Variants in HECW2 observed in about 807,000 individuals in gnomAD.
The protein encoded by HECW2 is HECT, C2 and WW domain containing E3 ubiquitin protein ligase 2, also known as E3 ubiquitin-protein ligase HECW2.
A neutral mutation model predicts 175.2 loss-of-function variants in HECW2; 61 were observed. That is an observed-to-expected ratio of 0.35 (90% CI 0.28 to 0.43). The LOEUF is 0.43. Ranked by LOEUF, HECW2 falls within the 20% of genes least tolerant of loss-of-function variation. The pLI, the probability that HECW2 is intolerant of heterozygous loss-of-function variation, is 1.00. For synonymous variants in HECW2, 671 were observed against 731.0 expected (o/e 0.92, Z 1.32); for missense variants, 1,524 against 2,000.5 (o/e 0.76, Z 4.54).
chr2:196,306,352 G>T, intron 13 of HECW2, 136 bp downstream of exon 13: 1 of 883,822 alleles, frequency 1.1e-6, no homozygotes, highest in Non-Finnish European at 1.7e-6. Flanking sequence ...AGTGTACAGT[G>T]CTCAACACAA....
intron 20 of HECW2, 75 bp downstream of exon 20, chr2:196,242,009 A>G: frequency 7.1e-7 from 1 of 1,408,716 alleles, no homozygotes; most frequent in Non-Finnish European, 9.9e-7. Flanking sequence ...AATCACAATC[A>G]ATTTCCTAGA....
At position 196,363,525 on chromosome 2, in the gene HECW2, G is replaced by A. The variant is rs140266204; in HGVS notation, c.293-19761C>T. Among the ~76,000 whole-genome samples, 999 of 152,288 alleles carry A rather than the reference G, an allele frequency of 6.6e-3. 8 individuals are homozygous for A. The highest frequency in any genetic ancestry group is 0.02 in the Middle Eastern group (6 of 294). On this transcript the variant is annotated intron_variant, in intron 2 of 28. Coordinates refer to ENST00000644978, the MANE Select transcript of HECW2 (RefSeq NM_001348768.2). ...GTCCACAGTGGGCTCAGTCACCACT[G>A]GGAGATTAAGAAAAATAAATCTAGG...
intron 1 of HECW2, among the ~76,000 whole-genome samples, chr2:196,563,149 TAAG>T (rs1020836391): frequency 2.0e-5 from 3 of 152,230 alleles, no homozygotes; most frequent in South Asian, 2.1e-4. Flanking sequence ...ACTGAAACTA[TAAG>T]AAGAACTTTC....
At chr2:196,209,979 G>A (rs531070511) in intron 28 of HECW2, among the ~76,000 whole-genome samples, 5 of 152,068 alleles carry the variant, frequency 3.3e-5, no homozygotes, top group Non-Finnish European at 5.9e-5. Flanking sequence ...TAGCCAGGAT[G>A]GTCTCCATCT....
At chr2:196,518,259 TGAGTCTGATGTTATGAGAAATG>T (rs1688219548) in intron 1 of HECW2, among the ~76,000 whole-genome samples, 1 of 152,158 alleles carries the variant, frequency 6.6e-6, no homozygotes, top group Non-Finnish European at 1.5e-5. Context: ...CAAAGACATC[TGAGTCTGATGTTATGAGAAATG>T]GGATGCCTAA....
At chr2:196,269,155 C>T (rs1689630678) in intron 17 of HECW2, among the ~76,000 whole-genome samples, 1 of 152,008 alleles carries the variant, frequency 6.6e-6, no homozygotes, top group African/African-American at 2.4e-5. Context: ...TAGCTTTAGC[C>T]TTTACAAACT....
intron 21 of HECW2, among the ~76,000 whole-genome samples, chr2:196,232,042 G>C (rs1478966231): frequency 6.6e-6 from 1 of 152,066 alleles, no homozygotes; most frequent in Non-Finnish European, 1.5e-5. Flanking sequence ...GCAACCTCAA[G>C]GAGTGGGTAG....
At chr2:196,270,643 T>C (rs1291418955) in intron 17 of HECW2, among the ~76,000 whole-genome samples, 5 of 152,186 alleles carry the variant, frequency 3.3e-5, no homozygotes, top group Admixed American at 6.5e-5. Flanking sequence ...GCTTAAATTT[T>C]TTTTTCATAT....
intron 2 of HECW2, among the ~76,000 whole-genome samples, chr2:196,399,531 TC>T (rs1434289132): frequency 6.6e-6 from 1 of 152,176 alleles, no homozygotes; most frequent in Non-Finnish European, 1.5e-5. Context: ...ATCCAGCTCT[TC>T]CCCCAAGTTA....
chr2:196,479,837 C>A (rs2125369673), intron 1 of HECW2, among the ~76,000 whole-genome samples: 1 of 152,252 alleles, frequency 6.6e-6, no homozygotes, highest in African/African-American at 2.4e-5. Flanking sequence ...ATCCTCTTGC[C>A]TGAAGAACTC....
chr2:196,367,447 A>G (rs1223639702), intron 2 of HECW2, among the ~76,000 whole-genome samples: 3 of 152,216 alleles, frequency 2.0e-5, no homozygotes, highest in Non-Finnish European at 4.4e-5. Context: ...AGGGTAAATG[A>G]AGTATTCATC....
In HECW2 at chr2:196,199,644, C is replaced by T. The variant is rs941132800; in HGVS notation, c.*1633G>A. The T allele has an allele frequency of 4.6e-5, 7 of 152,362 alleles. No individual in the cohort carries two copies. The highest frequency in any genetic ancestry group is 8.8e-5 in the Non-Finnish European group (6 of 67,972). 9.4% of individuals were successfully genotyped at this position (152,362 alleles called of 1,614,324 possible). A position where few individuals can be genotyped will look rare whatever the true frequency, so the allele number is the denominator to read the frequency against. On this transcript the variant is annotated 3_prime_UTR_variant, in exon 29 of 29. Coordinates refer to ENST00000644978, the MANE Select transcript of HECW2 (RefSeq NM_001348768.2). ...AAATGTTTGGGCAATGCCTGTAAAC[C>T]CATAGGCTGGCAAACCATATGTCAA...
chr2:196,469,203 G>A (rs983733897), intron 1 of HECW2, among the ~76,000 whole-genome samples: 21 of 151,246 alleles, frequency 1.4e-4, no homozygotes, highest in Non-Finnish European at 2.2e-4. Context: ...AATATAAGAG[G>A]AGCTGCCCCG....
At chr2:196,296,599 A>G (rs531421077) in intron 13 of HECW2, among the ~76,000 whole-genome samples, 4 of 152,352 alleles carry the variant, frequency 2.6e-5, no homozygotes, top group African/African-American at 9.6e-5. Flanking sequence ...GTGCTAAGCC[A>G]TGTGCTAAGC....
At chr2:196,317,154 C>A (rs1691728674) in intron 10 of HECW2, 120 bp downstream of exon 10, 1 of 750,154 alleles carries the variant, frequency 1.3e-6, no homozygotes, top group Non-Finnish European at 2.3e-6. Flanking sequence ...CAAGTGGCAA[C>A]CCCCAGATTC....
intron 13 of HECW2, among the ~76,000 whole-genome samples, chr2:196,293,058 C>T (rs748383721): frequency 1.4e-4 from 22 of 152,084 alleles, no homozygotes; most frequent in South Asian, 4.1e-4. Context: ...AATAGGTAAA[C>T]GTGTGCCATG....
At chr2:196,591,323 G>A (rs1440792758) in intron 1 of HECW2, among the ~76,000 whole-genome samples, 1 of 152,154 alleles carries the variant, frequency 6.6e-6, no homozygotes, top group East Asian at 1.9e-4. Context: ...TCAAACTAAT[G>A]AAGACTAAAG....
chr2:196,325,245 G>A, intron 5 of HECW2, 96 bp from the exon 6 acceptor site: 2 of 889,206 alleles, frequency 2.2e-6, no homozygotes, highest in South Asian at 3.7e-5. Flanking sequence ...GACAGAAGAA[G>A]GAAGGATTCA....
intron 1 of HECW2, among the ~76,000 whole-genome samples, chr2:196,480,397 T>C (rs1336927666): frequency 6.6e-6 from 1 of 152,182 alleles, no homozygotes; most frequent in African/African-American, 2.4e-5. Flanking sequence ...TATTTAGGGA[T>C]CCCTTTCCCC....
Sources: allele counts gnomAD v4.1 joint callset (sites outside exome capture counted in the v4.1 genomes callset), GRCh38; gene constraint gnomAD v4.1.1; transcripts MANE v1.5; gene names NCBI Gene and HGNC (gene_info 2026-07-23, HGNC 2026-07-21).